SPATA24: variants seen among roughly 807,000 people sequenced by gnomAD.
SPATA24 encodes spermatogenesis associated 24, also known as spermatogenesis-associated protein 24.
Under a neutral mutation model 28.9 loss-of-function variants are expected in SPATA24, and 21 were observed. The ratio of observed to expected loss-of-function variants is 0.73; its 90% CI spans 0.52 to 1.05. The LOEUF is 1.05. Among genes scored for constraint, SPATA24 ranks in the 50% least tolerant of loss-of-function variants. The pLI is 0.00. For missense variants in SPATA24, 215 were observed against 242.9 expected (o/e 0.88, Z 0.76); for synonymous variants, 76 against 89.9 (o/e 0.85, Z 0.88).
In SPATA24 at chr5:139,402,789, G is replaced by C. The variant is rs1402975763; in HGVS notation, c.118-96C>G. ...AAAAGCGGATAACAGGATGATGCTC[G>C]TGGTACCTAGGATGAGACTGAGGCC... is the stretch of plus-strand genomic sequence containing the variant. On this transcript the variant is annotated intron_variant, in intron 1 of 5. Coordinates refer to ENST00000450845, the MANE Select transcript of SPATA24 (RefSeq NM_194296.2). 4.5e-6 allele frequency: 4 copies of C among 888,944 alleles called. No homozygotes were observed. In the East Asian group the frequency reaches 1.1e-4, roughly 23 times the overall value. The allele number at this position is 888,944 out of a possible 1,614,324, so 55.1% of individuals were successfully genotyped here. A position where few individuals can be genotyped will look rare whatever the true frequency, so the allele number is the denominator to read the frequency against.
rs1436113069 is a variant in SPATA24, at chr5:139,403,930, C to T, written c.117+14G>A. 4 of 1,549,496 alleles carry T rather than the reference C, an allele frequency of 2.6e-6. No homozygotes were observed. The highest frequency in any genetic ancestry group is 2.0e-5 in the Admixed American group (1 of 50,980). On this transcript the variant is annotated intron_variant, in intron 1 of 5. Transcript: ENST00000450845. ...TCCGGCCCCGCCTCTCCCCAAACTC[C>T]TCTGGCTGCATACCACGTTCCTCAG...
downstream of SPATA24, chr5:139,394,754 C>A (rs766588688): frequency 2.6e-6 from 4 of 1,532,432 alleles, no homozygotes; most frequent in South Asian, 2.4e-5. Flanking sequence ...ACTTCCATCT[C>A]CCCCGACGGC....
Position 139,397,051 on chromosome 5 carries a change from G to A in SPATA24, c.478C>T (p.Gln160Ter). ...GCCCAGACCCCTCACCTGAAGATCTGTTTCTGCTGGCTGATAACTTGCTGC... is the reference window on the plus strand; with the variant it reads ...GCCCAGACCCCTCACCTGAAGATCTATTTCTGCTGGCTGATAACTTGCTGC... Reference protein sequence around the residue: ...ELQQVISQQKQIFRNHMSDFR... With the variant: ...ELQQVISQQK The change falls in exon 5 of 6, where the codon CAG becomes TAG. Residue 160 changes from glutamine (Q) to a stop codon, truncating the protein, a stop_gained. Transcript: ENST00000450845. LOFTEE classifies it high-confidence loss of function. 6.4e-7 allele frequency: 1 copy of A among 1,551,782 alleles called. No individual in the cohort carries two copies. Among genetic ancestry groups the A allele is most frequent in the Admixed American group, 2.0e-5 (1 of 51,006 alleles).
downstream of SPATA24, chr5:139,394,677 G>A (rs1252440030): frequency 2.0e-6 from 3 of 1,534,574 alleles, no homozygotes; most frequent in South Asian, 3.6e-5. Context: ...CCGGCTCCGT[G>A]AACTGTTGTT....
downstream of SPATA24, chr5:139,392,889 T>A (rs1287036386): frequency 1.9e-6 from 3 of 1,544,484 alleles, no homozygotes; most frequent in Admixed American, 2.0e-5. The surrounding 1 kb of genome is among the most constrained non-coding windows in gnomAD (Gnocchi z 5.8). Context: ...GGCGGATCTC[T>A]GTGCGCTTGA....
downstream of SPATA24, chr5:139,394,228 G>A (rs1244271677): frequency 6.5e-7 from 1 of 1,548,706 alleles, no homozygotes; most frequent in Non-Finnish European, 8.7e-7. Flanking sequence ...GGTGCTGCGG[G>A]CCGTTTCCCG....
chr5:139,394,614 G>C, downstream of SPATA24: 1 of 1,533,778 alleles, frequency 6.5e-7, no homozygotes, highest in Non-Finnish European at 8.7e-7. Flanking sequence ...CCTGGGACTG[G>C]CGTGGGACCG....
downstream of SPATA24, chr5:139,395,036 G>A: frequency 7.0e-7 from 1 of 1,432,808 alleles, no homozygotes; most frequent in Non-Finnish European, 9.1e-7. Context: ...GTGGGCAGCT[G>A]CCTCGGGATC....
downstream of SPATA24, chr5:139,394,478 G>C: frequency 7.0e-7 from 1 of 1,423,400 alleles, no homozygotes; most frequent in Non-Finnish European, 9.1e-7. Flanking sequence ...ACTGTCCGGG[G>C]CCTGGCGGGC....
rs958051791 is a variant in SPATA24, at chr5:139,401,746, C to T, written c.385+9G>A. On this transcript the variant is annotated intron_variant, in intron 4 of 5. Transcript: ENST00000450845. ...TAACCGTGGTGGAGAGCACGGGCCT[C>T]CCGCCTACCATTGCACTTGGTGATG... is the stretch of plus-strand genomic sequence containing the variant. 2.6e-6 allele frequency: 4 copies of T among 1,551,528 alleles called. No homozygotes were observed. The African/African-American group carries it at 5.5e-5, about 21-fold the overall frequency.
chr5:139,392,987 C>A, downstream of SPATA24: 1 of 1,517,638 alleles, frequency 6.6e-7, no homozygotes, highest in Admixed American at 2.2e-5. The surrounding 1 kb of genome is among the most constrained non-coding windows in gnomAD (Gnocchi z 5.8). Flanking sequence ...AAGGACGGTT[C>A]AGGAGGCTCG....
chr5:139,395,176 C>T (rs1681259138), downstream of SPATA24: 2 of 1,258,624 alleles, frequency 1.6e-6, no homozygotes. Context: ...CCGTGGGGGT[C>T]ACCGCGCCTT....
chr5:139,401,676 G>A (rs1444754829), intron 4 of SPATA24, 79 bp downstream of exon 4: 5 of 1,444,022 alleles, frequency 3.5e-6, no homozygotes, highest in Middle Eastern at 1.7e-4. Context: ...GTGAAACCCT[G>A]CCTTTGACAC....
chr5:139,394,761 C>T (rs1166597267), downstream of SPATA24: 2 of 1,532,472 alleles, frequency 1.3e-6, no homozygotes, highest in East Asian at 2.5e-5. Flanking sequence ...TCTCCCCCGA[C>T]GGCAGCGTGC....
downstream of SPATA24, chr5:139,394,221 G>A (rs1758651154): frequency 6.5e-7 from 1 of 1,548,678 alleles, no homozygotes; most frequent in Non-Finnish European, 8.7e-7. Flanking sequence ...CCACGTGGGT[G>A]CTGCGGGCCG....
intron 4 of SPATA24, 46 bp downstream of exon 4, chr5:139,401,709 A>G: frequency 2.0e-6 from 3 of 1,535,866 alleles, no homozygotes; most frequent in Non-Finnish European, 2.6e-6. Context: ...GTTAGGAAAG[A>G]GCCCGTTTAT....
In SPATA24 at chr5:139,401,729, G is replaced by A. The variant is rs1016539020; in HGVS notation, c.385+26C>T. ...GAAAGAGCCCGTTTATATAACCGTG[G>A]TGGAGAGCACGGGCCTCCCGCCTAC... is the stretch of plus-strand genomic sequence containing the variant. On this transcript the variant is annotated intron_variant, in intron 4 of 5. Transcript: ENST00000450845. 1.0e-5 allele frequency: 16 copies of A among 1,550,714 alleles called. No individual in the cohort carries two copies. In the African/African-American group the frequency reaches 1.2e-4, roughly 12 times the overall value.
chr5:139,394,357 C>T, downstream of SPATA24: 2 of 1,420,222 alleles, frequency 1.4e-6, no homozygotes, highest in Non-Finnish European at 9.1e-7. Context: ...CTGCAGGGGG[C>T]CCAGCGACTC....
intron 2 of SPATA24, 126 bp from the exon 3 acceptor site, chr5:139,402,171 G>A: frequency 8.2e-7 from 1 of 1,214,604 alleles, no homozygotes; most frequent in Non-Finnish European, 1.1e-6. Flanking sequence ...TGGCCACCTT[G>A]CTACAGGGGC....
Sources: gnomAD v4.1 joint callset for allele counts on GRCh38, gnomAD v4.1.1 for gene constraint, Gnocchi (gnomAD v3.1) non-coding constraint, MANE v1.5 for transcripts, NCBI Gene and HGNC (gene_info 2026-07-23, HGNC 2026-07-21) for gene names.